The following RBFOX1 variants were observed in gnomAD, a reference collection of about 807,000 sequenced individuals.
RBFOX1 encodes the protein RNA binding protein fox-1 homolog 1.
RBFOX1 carries 8 observed loss-of-function variants against 57.7 expected under a neutral mutation model. That is an observed-to-expected ratio of 0.14 (90% confidence interval 0.08 to 0.25). RBFOX1 has a LOEUF of 0.25. Among genes scored for constraint, RBFOX1 ranks in the 10% least tolerant of loss-of-function variants. RBFOX1 has a pLI of 1.00. For synonymous variants in RBFOX1, 326 were observed against 222.4 expected, an observed-to-expected ratio of 1.47 and a Z score of -4.15; for missense variants, 611 against 548.5, an observed-to-expected ratio of 1.11 and a Z score of -1.14.
chr16:6,014,044 A>G (rs1041861841), upstream of RBFOX1, among the ~76,000 whole-genome samples: 3 of 152,194 alleles, frequency 2.0e-5, no homozygotes, highest in Admixed American at 1.3e-4. Context: ...GCACACCAAC[A>G]TGGTACATGT....
intron 15 of RBFOX1, chr16:7,709,499 A>T: frequency 1.3e-6 from 2 of 1,500,974 alleles, no homozygotes; most frequent in Non-Finnish European, 1.8e-6. Flanking sequence ...CATAGCCCCA[A>T]GGTTCCAGCC....
intron 3 of RBFOX1, among the ~76,000 whole-genome samples, chr16:5,785,152 T>G (rs934626538): frequency 3.3e-5 from 5 of 152,220 alleles, no homozygotes. Flanking sequence ...GGACGGGTGT[T>G]AAAGAGACGG....
chr16:7,439,887 C>G (rs1198535871), intron 4 of RBFOX1, among the ~76,000 whole-genome samples: 1 of 151,126 alleles, frequency 6.6e-6, no homozygotes, highest in Non-Finnish European at 1.5e-5. Flanking sequence ...AAAATTGTTG[C>G]TTTGTATTAG....
intron 5 of RBFOX1, among the ~76,000 whole-genome samples, chr16:7,521,040 A>G (rs1248529865): frequency 6.6e-6 from 1 of 152,196 alleles, no homozygotes; most frequent in African/African-American, 2.4e-5. Context: ...TAGATGTCTT[A>G]AGGAAAATAT....
At chr16:7,700,369 C>T (rs1422613798) in intron 14 of RBFOX1, among the ~76,000 whole-genome samples, 1 of 152,116 alleles carries the variant, frequency 6.6e-6, no homozygotes, top group Admixed American at 6.5e-5. Flanking sequence ...GATGGTATAA[C>T]CAACTCAAAG....
chr16:6,447,362 A>G (rs543005692), intron 2 of RBFOX1, among the ~76,000 whole-genome samples: 1 of 152,212 alleles, frequency 6.6e-6, no homozygotes, highest in Non-Finnish European at 1.5e-5. Context: ...CAAGACCAAC[A>G]ATTACATACC....
intron 1 of RBFOX1, among the ~76,000 whole-genome samples, chr16:5,268,916 TA>T (rs1195390637): frequency 6.6e-5 from 8 of 120,872 alleles, no homozygotes; most frequent in African/African-American, 1.3e-4. Flanking sequence ...TTATTTTCTC[TA>T]TTTTTTTTTT....
intron 1 of RBFOX1, among the ~76,000 whole-genome samples, chr16:5,417,988 G>C (rs1361699820): frequency 6.6e-6 from 1 of 152,172 alleles, no homozygotes; most frequent in Non-Finnish European, 1.5e-5. Flanking sequence ...GTCTGAGGCA[G>C]AAGAATCACT....
At chr16:6,963,579 A>C (rs2083457945) in intron 3 of RBFOX1, among the ~76,000 whole-genome samples, 1 of 152,164 alleles carries the variant, frequency 6.6e-6, no homozygotes, top group African/African-American at 2.4e-5. Flanking sequence ...GTAGGATTTC[A>C]ACTATAGGCC....
intron 2 of RBFOX1, among the ~76,000 whole-genome samples, chr16:6,539,950 G>A (rs1161861662): frequency 6.6e-6 from 1 of 152,104 alleles, no homozygotes; most frequent in Admixed American, 6.6e-5. Flanking sequence ...CCCACAGATA[G>A]CCAGCCAATG....
chr16:6,774,355 G>T (rs1203941629), intron 3 of RBFOX1, among the ~76,000 whole-genome samples: 1 of 151,784 alleles, frequency 6.6e-6, no homozygotes, highest in African/African-American at 2.4e-5. Context: ...TTTCTAACTG[G>T]CCAAGTCTAC....
At chr16:6,089,132 T>A (rs2096133784) in intron 1 of RBFOX1, among the ~76,000 whole-genome samples, 1 of 151,256 alleles carries the variant, frequency 6.6e-6, no homozygotes, top group Non-Finnish European at 1.5e-5. Context: ...AGAGTAATGA[T>A]GGGGAAGGAC....
chr16:7,405,783 A>G (rs1044955731), intron 4 of RBFOX1, among the ~76,000 whole-genome samples: 2 of 152,250 alleles, frequency 1.3e-5, no homozygotes, highest in African/African-American at 4.8e-5. Flanking sequence ...TTGCCTGGTA[A>G]GTAAAGGTAG....
intron 2 of RBFOX1, among the ~76,000 whole-genome samples, chr16:6,467,470 C>G (rs1454960473): frequency 6.6e-6 from 1 of 152,030 alleles, no homozygotes; most frequent in Non-Finnish European, 1.5e-5. Flanking sequence ...TTTATAGTAG[C>G]TGGGTTTTCC....
chr16:6,172,275 G>A (rs2096966729), intron 1 of RBFOX1, among the ~76,000 whole-genome samples: 3 of 152,228 alleles, frequency 2.0e-5, no homozygotes, highest in Admixed American at 6.5e-5. Flanking sequence ...CCCGGACAGC[G>A]GGGAGATACA....
chr16:6,222,904 T>A (rs1224957663), intron 1 of RBFOX1, among the ~76,000 whole-genome samples: 1 of 151,834 alleles, frequency 6.6e-6, no homozygotes, highest in Non-Finnish European at 1.5e-5. Context: ...TCTGTGTCCA[T>A]GTGTTCTCAT....
At chr16:7,703,496 A>G (rs777649501) in intron 14 of RBFOX1, among the ~76,000 whole-genome samples, 2 of 152,174 alleles carry the variant, frequency 1.3e-5, no homozygotes, top group Non-Finnish European at 2.9e-5. Context: ...GGAAGAATAA[A>G]AAGTTCCCAG....
chr16:6,574,387 G>A (rs995471752), intron 2 of RBFOX1, among the ~76,000 whole-genome samples: 2 of 151,008 alleles, frequency 1.3e-5, no homozygotes, highest in African/African-American at 4.8e-5. Context: ...GGAGGGGGCG[G>A]AACTCGGTGT....
chr16:6,887,467 T>C (rs117883758), intron 3 of RBFOX1, among the ~76,000 whole-genome samples: 1,834 of 152,288 alleles, frequency 0.012, 22 homozygotes, highest in Non-Finnish European at 0.02. Flanking sequence ...AAACTTCGCA[T>C]CATGTTTTCT....
Sources: allele counts gnomAD v4.1 joint callset (sites outside exome capture counted in the v4.1 genomes callset), GRCh38; gene constraint gnomAD v4.1.1; transcripts MANE v1.5; gene names NCBI Gene and HGNC (gene_info 2026-07-23, HGNC 2026-07-21).